OCRL: variants seen among roughly 807,000 people sequenced by gnomAD.
OCRL encodes inositol polyphosphate 5-phosphatase OCRL.
In OCRL, 8 loss-of-function variants were observed where a neutral mutation model predicts 78.9. The observed-to-expected ratio is 0.10, with a 90% CI of 0.06 to 0.18. OCRL has a LOEUF of 0.18. OCRL is among the 10% of genes least tolerant of loss of function. OCRL has a pLI of 1.00. For missense variants in OCRL, 454 were observed against 696.7 expected, an observed-to-expected ratio of 0.65 and a Z score of 3.92; for synonymous variants, 240 against 235.4, an observed-to-expected ratio of 1.02 and a Z score of -0.18.
In OCRL at chrX:129,588,959, C is replaced by T. The variant is rs377180274; in HGVS notation, c.2415C>T (p.Tyr805=). ...LEALPEPVIC[Y]ELYQRCLDSA... ...CCCTGCCAGAGCCAGTCATCTGTTACGAGCTGTATCAGCGATGTCTTGACT... is the reference window on the plus strand; with the variant it reads ...CCCTGCCAGAGCCAGTCATCTGTTATGAGCTGTATCAGCGATGTCTTGACT... The change falls in exon 22 of 24, where the codon TAC becomes TAT. Residue 805 remains tyrosine (Y), a synonymous_variant. Transcript: ENST00000371113. 1.3e-4 allele frequency: 159 copies of T among 1,209,827 alleles called. No homozygotes were observed. Among genetic ancestry groups the T allele is most frequent in the Non-Finnish European group, 1.6e-4 (146 of 894,824 alleles).
At chrX:129,576,671 A>G (rs1936373220) in intron 18 of OCRL, 119 bp downstream of exon 18, 1 of 552,941 alleles carries the variant, frequency 1.8e-6, no homozygotes, top group South Asian at 2.6e-5. Flanking sequence ...GTCAAATGAT[A>G]AAGAAGAATG....
intron 19 of OCRL, chrX:129,586,690 A>G: frequency 2.6e-6 from 1 of 389,955 alleles, no homozygotes; most frequent in Non-Finnish European, 4.9e-6. Context: ...CTGTGACTGT[A>G]TCACCGGAGC....
chrX:129,581,392 T>G (rs1936437362), intron 18 of OCRL, among the ~76,000 whole-genome samples: 1 of 111,746 alleles, frequency 8.9e-6, no homozygotes, highest in African/African-American at 3.3e-5. Context: ...TCTCTGCTCT[T>G]TAAAATTGGT....
rs7887814 is a variant in OCRL at position 129,547,336 on chromosome X, T to C, written c.200-1227T>C. Among the ~76,000 whole-genome samples the C allele has an allele frequency of 3.5e-3, 383 of 109,576 alleles. 1 individual carries two copies. Among genetic ancestry groups the C allele is most frequent in the African/African-American group, 0.012 (361 of 30,062 alleles). On this transcript the variant is annotated intron_variant, in intron 3 of 23. Transcript: ENST00000371113. ...GTCAGGAGATTGAGACCATCCTGGCTAACACGATGAAACCCCGTCTCTACT... is the reference window on the plus strand; with the variant it reads ...GTCAGGAGATTGAGACCATCCTGGCCAACACGATGAAACCCCGTCTCTACT...
At chrX:129,545,904 G>C (rs1386987758) in intron 3 of OCRL, among the ~76,000 whole-genome samples, 1 of 110,968 alleles carries the variant, frequency 9.0e-6, no homozygotes, top group African/African-American at 3.3e-5. Context: ...TGTAGTGACG[G>C]GGTTTCGCCA....
At chrX:129,589,193 C>T (rs751491746) in intron 22 of OCRL, 180 bp downstream of exon 22, 10 of 502,657 alleles carry the variant, frequency 2.0e-5, no homozygotes, top group Non-Finnish European at 3.1e-5. Flanking sequence ...TTGTTTCCTA[C>T]GATATTTGCC....
rs757367933 is a variant in OCRL, at chrX:129,562,307, A to G, written c.940-77A>G. On this transcript the variant is annotated intron_variant, in intron 10 of 23. Coordinates refer to ENST00000371113, the MANE Select transcript of OCRL (RefSeq NM_000276.4). ...GCACTAGTATATCATCTTGATGGAA[A>G]ATTAGTCGTGGGACATTAGAAATGT... 44 of 784,572 alleles carry G rather than the reference A, an allele frequency of 5.6e-5. 1 individual carries two copies. In the South Asian group the frequency reaches 9.1e-4, roughly 16 times the overall value. The allele number at this position is 784,572 out of a possible 1,213,427, so 64.7% of individuals were successfully genotyped here.
chrX:129,560,711 T>A, intron 9 of OCRL, 60 bp downstream of exon 9: 1 of 807,837 alleles, frequency 1.2e-6, no homozygotes, highest in South Asian at 2.1e-5. Context: ...TTACATGATG[T>A]TTTGCCTTTT....
rs1296881648 is a variant in OCRL at position 129,591,601 on chromosome X, A to G, written c.*1331A>G. 2 of 111,322 alleles carry G rather than the reference A, an allele frequency of 1.8e-5. No individual in the cohort carries two copies. The highest frequency in any genetic ancestry group is 1.9e-4 in the Admixed American group (2 of 10,419). 9.2% of individuals were successfully genotyped at this position (111,322 alleles called of 1,213,427 possible). ...CTCCTGGTTTTCTTTTGTTACAACC[A>G]CCCTTGCCTGTTTACATTAATTGCA... On this transcript the variant is annotated 3_prime_UTR_variant, in exon 24 of 24. Transcript: ENST00000371113.
chrX:129,563,228 T>A (rs1222229821), intron 12 of OCRL, among the ~76,000 whole-genome samples: 1 of 111,760 alleles, frequency 8.9e-6, no homozygotes, highest in Non-Finnish European at 1.9e-5. Flanking sequence ...CCAGTAGCCA[T>A]ATATGGCTGT....
intron 3 of OCRL, among the ~76,000 whole-genome samples, chrX:129,546,689 T>A (rs926731801): frequency 8.9e-6 from 1 of 111,736 alleles, no homozygotes; most frequent in Non-Finnish European, 1.9e-5. Flanking sequence ...CCAAAGAACA[T>A]GACTTTAAAT....
chrX:129,590,177 T>C lies in OCRL; in HGVS notation c.2613T>C (p.Pro871=). ...ATLFTSLLLR[P]PPNLMARQTP... Reference sequence around the variant, plus strand: ...TCTTCACTAGTCTTCTCCTGAGGCCTCCACCCAACCTTATGGCAAGACAGA... The same window carrying C: ...TCTTCACTAGTCTTCTCCTGAGGCCCCCACCCAACCTTATGGCAAGACAGA... The change falls in exon 24 of 24, where the codon CCT becomes CCC. Residue 871 remains proline, a synonymous_variant. Transcript: ENST00000371113. The C allele has an allele frequency of 2.5e-6, 3 of 1,211,513 alleles. No homozygotes were observed. Among genetic ancestry groups the C allele is most frequent in the Non-Finnish European group, 1.1e-6 (1 of 895,260 alleles).
chrX:129,582,959 T>G (rs1347778086), intron 18 of OCRL, among the ~76,000 whole-genome samples: 2 of 111,696 alleles, frequency 1.8e-5, no homozygotes, highest in African/African-American at 6.5e-5. Context: ...ACATGTAATT[T>G]AGACTTGAGT....
At chrX:129,570,658 A>G (rs1912721365) in intron 15 of OCRL, among the ~76,000 whole-genome samples, 1 of 112,650 alleles carries the variant, frequency 8.9e-6, no homozygotes, top group South Asian at 3.6e-4. Flanking sequence ...ATCATTAATA[A>G]TAGTAACTGT....
rs1300684607 is a variant in OCRL at position 129,562,863 on chromosome X, A to G, written c.1244+77A>G. On this transcript the variant is annotated intron_variant, in intron 12 of 23. Coordinates refer to ENST00000371113, the MANE Select transcript of OCRL (RefSeq NM_000276.4). ...ATAGTGTAGAGATTAAATGTGAGAT[A>G]CTGTAGAGCTGTGAAGAGTGAAAGA... is the stretch of plus-strand genomic sequence containing the variant. 6 of 956,131 alleles carry G rather than the reference A, an allele frequency of 6.3e-6. No individual in the cohort carries two copies. In the East Asian group the frequency reaches 1.9e-4, roughly 30 times the overall value. The allele number at this position is 956,131 out of a possible 1,213,427, so 78.8% of individuals were successfully genotyped here.
At position 129,588,933 on chromosome X, in the gene OCRL, G is replaced by T. The variant is rs935956958; in HGVS notation, c.2389G>T (p.Ala797Ser). 8.3e-7 allele frequency: 1 copy of T among 1,209,846 alleles called. No individual in the cohort carries two copies. Among genetic ancestry groups the T allele is most frequent in the African/African-American group, 1.7e-5 (1 of 57,262 alleles). The change falls in exon 22 of 24, where the codon GCC becomes TCC. Residue 797 changes from alanine to serine, a missense_variant. Physicochemically the swap from Ala to Ser is moderately conservative, Grantham distance 99. Transcript: ENST00000371113. ...TGAAGCACTGCTCATTTTCTTGGAAGCCCTGCCAGAGCCAGTCATCTGTTA... is the reference window on the plus strand; with the variant it reads ...TGAAGCACTGCTCATTTTCTTGGAATCCCTGCCAGAGCCAGTCATCTGTTA... Reference protein sequence around the residue: ...VAEALLIFLEALPEPVICYEL... With the variant: ...VAEALLIFLESLPEPVICYEL...
At chrX:129,572,968 T>C (rs1936322169) in intron 15 of OCRL, among the ~76,000 whole-genome samples, 1 of 112,314 alleles carries the variant, frequency 8.9e-6, no homozygotes, top group Non-Finnish European at 1.9e-5. Flanking sequence ...ACAAAAATAT[T>C]CCTTGCTTTG....
chrX:129,543,960 T>C (rs1181297449), intron 2 of OCRL, among the ~76,000 whole-genome samples: 1 of 111,403 alleles, frequency 9.0e-6, no homozygotes, highest in Non-Finnish European at 1.9e-5. Flanking sequence ...GGGAAATAAA[T>C]ATAACCATAA....
At position 129,569,363 on chromosome X, in the gene OCRL, C is replaced by T. The variant is rs137853853; in HGVS notation, c.1566C>T (p.Ser522=). ...GGAGTCACATGGAACTGAAAACCAG[C>T]GACCACAAGCCTGTTAGCGCCCTCT... is the stretch of plus-strand genomic sequence containing the variant. The part of the protein sequence containing the change: ...NYRSHMELKT[S]DHKPVSALFH... The change falls in exon 15 of 24, where the codon AGC becomes AGT. Residue 522 remains serine (S), a synonymous_variant. Transcript: ENST00000371113. 1.5e-5 allele frequency: 18 copies of T among 1,209,076 alleles called. No homozygotes were observed. Among genetic ancestry groups the T allele is most frequent in the Admixed American group, 4.4e-5 (2 of 45,803 alleles).
Sources: allele counts gnomAD v4.1 joint callset (sites outside exome capture counted in the v4.1 genomes callset), GRCh38; gene constraint gnomAD v4.1.1; transcripts MANE v1.5; gene names NCBI Gene and HGNC (gene_info 2026-07-23, HGNC 2026-07-21).